Variants in ANTXR1 observed in about 807,000 individuals in gnomAD.
ANTXR1 encodes anthrax toxin receptor 1.
A neutral mutation model predicts 78.1 loss-of-function variants in ANTXR1; 19 were observed. That is an observed-to-expected ratio of 0.24 (90% CI 0.17 to 0.36). The LOEUF (loss-of-function observed/expected upper bound fraction) is 0.36. ANTXR1 is among the 10% of genes least tolerant of loss of function. The pLI is 1.00. For synonymous variants in ANTXR1, 273 were observed against 260.5 expected (o/e 1.05, Z -0.46); for missense variants, 518 against 718.6 (o/e 0.72, Z 3.19).
At chr2:69,137,613 C>T (rs943472384) in intron 12 of ANTXR1, among the ~76,000 whole-genome samples, 2 of 151,652 alleles carry the variant, frequency 1.3e-5, no homozygotes, top group African/African-American at 4.8e-5. Flanking sequence ...TTGTAGAGAC[C>T]CTATCTCTAC....
chr2:69,170,137 C>A, intron 13 of ANTXR1, 111 bp from the exon 14 acceptor site: 1 of 1,174,132 alleles, frequency 8.5e-7, no homozygotes, highest in Non-Finnish European at 1.3e-6. Flanking sequence ...TTGCTGGGGC[C>A]ATTGCCATGG....
At chr2:69,104,488 G>A (rs1471735987) in intron 10 of ANTXR1, among the ~76,000 whole-genome samples, 2 of 152,170 alleles carry the variant, frequency 1.3e-5, no homozygotes, top group Non-Finnish European at 2.9e-5. Flanking sequence ...AAAACATTCT[G>A]AAATATCCCT....
chr2:69,128,242 T>A (rs980647437), intron 12 of ANTXR1, among the ~76,000 whole-genome samples: 10 of 147,850 alleles, frequency 6.8e-5, no homozygotes, highest in South Asian at 6.5e-4. Context: ...AAAAAAAAAA[T>A]TTGTTTAGCC....
chr2:69,172,447 T>C (rs1674015886), intron 14 of ANTXR1: 1 of 1,583,956 alleles, frequency 6.3e-7, no homozygotes, highest in African/African-American at 1.4e-5. Flanking sequence ...GTGCAACGTA[T>C]TTTATACAAT....
chr2:69,162,000 G>A (rs964074960), intron 13 of ANTXR1, among the ~76,000 whole-genome samples: 16 of 148,720 alleles, frequency 1.1e-4, no homozygotes, highest in African/African-American at 2.7e-4. Context: ...ACCTCTGAGC[G>A]TGCAGGAAGT....
chr2:69,112,352 A>G (rs1672017982), intron 10 of ANTXR1, among the ~76,000 whole-genome samples: 1 of 152,118 alleles, frequency 6.6e-6, no homozygotes, highest in East Asian at 1.9e-4. Flanking sequence ...AAGGACTTGA[A>G]CCTGGGCAGT....
chr2:69,026,183 G>C (rs979732503), intron 1 of ANTXR1, among the ~76,000 whole-genome samples: 1 of 152,312 alleles, frequency 6.6e-6, no homozygotes, highest in African/African-American at 2.4e-5. Flanking sequence ...TAATGGTTAA[G>C]AGCACAGGGT....
chr2:69,226,557 A>G lies in ANTXR1; in HGVS notation c.1435-18668A>G, dbSNP rs113328118. Among the ~76,000 whole-genome samples the G allele has an allele frequency of 2.4e-3, 364 of 152,322 alleles. 3 individuals are homozygous for G. The highest frequency in any genetic ancestry group is 8.1e-3 in the African/African-American group (338 of 41,584). ...GCCAGGAGCAGCAACAAAAGCAGTG[A>G]GAGGAGGCTGAGAAGAATTCGGGAG... On this transcript the variant is annotated intron_variant, in intron 17 of 17. Transcript: ENST00000303714.
At chr2:69,187,017 C>A (rs549948348) in intron 16 of ANTXR1, among the ~76,000 whole-genome samples, 5 of 152,356 alleles carry the variant, frequency 3.3e-5, no homozygotes, top group African/African-American at 1.2e-4. Context: ...ATTGGAAAGA[C>A]TCATGGCTCC....
chr2:69,017,582 A>G (rs1191146469), intron 1 of ANTXR1, among the ~76,000 whole-genome samples: 1 of 152,218 alleles, frequency 6.6e-6, no homozygotes, highest in African/African-American at 2.4e-5. Flanking sequence ...CAAAGACTTC[A>G]TAATGATAAC....
At chr2:69,196,421 C>T (rs749326071) in intron 17 of ANTXR1, among the ~76,000 whole-genome samples, 1 of 152,166 alleles carries the variant, frequency 6.6e-6, no homozygotes, top group Non-Finnish European at 1.5e-5. Context: ...AACAGCCACA[C>T]GATGTACACA....
chr2:69,146,207 G>A, intron 12 of ANTXR1: 1 of 985,348 alleles, frequency 1.0e-6, no homozygotes, highest in Non-Finnish European at 1.2e-6. Context: ...ACTATTCATT[G>A]AAGAAAATGG....
chr2:69,159,023 G>A (rs1673605526), intron 13 of ANTXR1, among the ~76,000 whole-genome samples: 1 of 152,158 alleles, frequency 6.6e-6, no homozygotes, highest in Admixed American at 6.5e-5. Context: ...CTTCCTAGGG[G>A]AAGAGTGTTC....
intron 13 of ANTXR1, among the ~76,000 whole-genome samples, chr2:69,168,979 G>A (rs1459246926): frequency 1.3e-5 from 2 of 152,248 alleles, no homozygotes; most frequent in Non-Finnish European, 2.9e-5. Context: ...AACCTGCAGT[G>A]GGAAGCCTGC....
At chr2:69,042,339 A>G (rs941364907) in intron 2 of ANTXR1, among the ~76,000 whole-genome samples, 35 of 152,134 alleles carry the variant, frequency 2.3e-4, no homozygotes, top group Middle Eastern at 3.2e-3. Flanking sequence ...GAATCCAGAG[A>G]GTAGTAGACA....
intron 3 of ANTXR1, among the ~76,000 whole-genome samples, chr2:69,049,961 T>C (rs1669879640): frequency 6.6e-6 from 1 of 152,178 alleles, no homozygotes; most frequent in South Asian, 2.1e-4. Context: ...ATCTTTCTTC[T>C]ATTTCCTTTG....
At chr2:69,015,918 AT>A (rs758927513) in intron 1 of ANTXR1, among the ~76,000 whole-genome samples, 53 of 152,330 alleles carry the variant, frequency 3.5e-4, no homozygotes, top group Non-Finnish European at 6.9e-4. Context: ...AGAGAAAAAA[AT>A]ATGAGTCAAT....
chr2:69,038,935 G>A (rs1219489870), intron 1 of ANTXR1, among the ~76,000 whole-genome samples: 1 of 152,146 alleles, frequency 6.6e-6, no homozygotes, highest in Non-Finnish European at 1.5e-5. Flanking sequence ...AAAGCAAAAA[G>A]TCCTCTTAAA....
intron 15 of ANTXR1, among the ~76,000 whole-genome samples, chr2:69,182,179 C>T (rs1347105654): frequency 2.0e-5 from 3 of 152,170 alleles, no homozygotes; most frequent in African/African-American, 7.2e-5. Context: ...TCAGCTCAAA[C>T]GTCCTCGTGA....
Sources: gnomAD v4.1 joint callset for allele counts (sites outside exome capture counted in the v4.1 genomes callset) on GRCh38, gnomAD v4.1.1 for gene constraint, MANE v1.5 for transcripts, NCBI Gene and HGNC (gene_info 2026-07-23, HGNC 2026-07-21) for gene names.